SOX5: variants seen among roughly 807,000 people sequenced by gnomAD.
The protein encoded by SOX5 is transcription factor SOX-5.
Under a neutral mutation model 92.0 loss-of-function variants are expected in SOX5, and 9 were observed. That is an observed-to-expected ratio of 0.10 (90% CI 0.06 to 0.17). The LOEUF (loss-of-function observed/expected upper bound fraction) is 0.17. SOX5 is among the 10% of genes least tolerant of loss of function. The pLI, the probability that SOX5 is intolerant of heterozygous loss-of-function variation, is 1.00. For synonymous variants in SOX5, 344 were observed against 336.3 expected (o/e 1.02, Z -0.25); for missense variants, 642 against 944.5 (o/e 0.68, Z 4.20).
chr12:23,711,114 G>C (rs2092005847), intron 6 of SOX5, among the ~76,000 whole-genome samples: 1 of 152,038 alleles, frequency 6.6e-6, no homozygotes, highest in African/African-American at 2.4e-5. Flanking sequence ...AAAAACAAAA[G>C]AGGTACCTTA....
chr12:24,163,433 A>C (rs1283205466), intron 4 of SOX5, among the ~76,000 whole-genome samples: 1 of 152,052 alleles, frequency 6.6e-6, no homozygotes, highest in Non-Finnish European at 1.5e-5. Flanking sequence ...ATTAGAAAAG[A>C]TCAAACTTCA....
At chr12:23,974,354 A>G (rs1382811381) in intron 4 of SOX5, among the ~76,000 whole-genome samples, 3 of 152,156 alleles carry the variant, frequency 2.0e-5, no homozygotes, top group African/African-American at 4.8e-5. Context: ...TCTTTGACGT[A>G]CCAATATTCA....
chr12:24,165,640 C>T (rs182491480), intron 4 of SOX5, among the ~76,000 whole-genome samples: 1 of 152,110 alleles, frequency 6.6e-6, no homozygotes, highest in East Asian at 1.9e-4. Context: ...TATAGAGGCA[C>T]ATCAAAGGAC....
chr12:24,027,848 T>C (rs1955048794), intron 4 of SOX5, among the ~76,000 whole-genome samples: 1 of 151,784 alleles, frequency 6.6e-6, no homozygotes, highest in Non-Finnish European at 1.5e-5. Context: ...GCATTCAGAG[T>C]CATCTTTTGA....
intron 2 of SOX5, among the ~76,000 whole-genome samples, chr12:24,335,625 AAT>A (rs1951798215): frequency 6.6e-6 from 1 of 152,124 alleles, no homozygotes; most frequent in South Asian, 2.1e-4. Context: ...TTAAAATGCA[AAT>A]ATCCTTGGAG....
At chr12:23,642,188 A>G (rs1217928644) in intron 7 of SOX5, among the ~76,000 whole-genome samples, 1 of 152,150 alleles carries the variant, frequency 6.6e-6, no homozygotes, top group East Asian at 1.9e-4. Flanking sequence ...TGCGTGTCTG[A>G]GCATATAAAA....
At chr12:23,689,666 T>C (rs1289299304) in intron 6 of SOX5, among the ~76,000 whole-genome samples, 2 of 152,106 alleles carry the variant, frequency 1.3e-5, no homozygotes, top group East Asian at 1.9e-4. Context: ...GCCATATACA[T>C]CACCTCATCT....
chr12:24,221,879 A>T (rs965852888), intron 3 of SOX5, among the ~76,000 whole-genome samples: 1 of 152,178 alleles, frequency 6.6e-6, no homozygotes, highest in Non-Finnish European at 1.5e-5. Context: ...TTTCATACAG[A>T]GTAAATAGCA....
chr12:24,414,938 C>T (rs1022879302), intron 1 of SOX5, among the ~76,000 whole-genome samples: 9 of 152,116 alleles, frequency 5.9e-5, no homozygotes, highest in African/African-American at 1.4e-4. Context: ...GCAGTGATCT[C>T]GGAGGCATTT....
chr12:23,838,463 G>A (rs1232287027), intron 3 of SOX5, among the ~76,000 whole-genome samples: 3 of 151,816 alleles, frequency 2.0e-5, no homozygotes, highest in Non-Finnish European at 4.4e-5. Context: ...AAAGAATCTT[G>A]TGTATGTAAA....
At position 23,534,389 on chromosome 12, in the gene SOX5, C is replaced by T. The variant is rs202221487; in HGVS notation, c.2122G>A (p.Val708Ile). ...TTCACACCGTAAGTGCTCTGGATAA[C>T]AGGCATCCCAGGCTCTGGGCTGCTA... ...VSSSPEPGMPVIQSTYGVKGE... is the reference protein window; with the variant it reads ...VSSSPEPGMPIIQSTYGVKGE... Residue 708 changes from valine (V) to isoleucine (I), a missense_variant, in exon 15 of 15, where the codon GTT (valine) becomes ATT (isoleucine). By Grantham distance (29) the Val-to-Ile change is conservative. Around this residue, in one of 8 missense-constraint regions of SOX5, gnomAD observed 130 missense variants for 140.6 expected, o/e 0.92. Transcript: ENST00000451604. 8 of 1,614,060 alleles carry T rather than the reference C, an allele frequency of 5.0e-6. No individual in the cohort carries two copies. The highest frequency in any genetic ancestry group is 1.7e-6 in the Non-Finnish European group (2 of 1,180,038).
intron 3 of SOX5, among the ~76,000 whole-genome samples, chr12:23,838,467 A>G: frequency 6.6e-6 from 1 of 151,976 alleles, no homozygotes; most frequent in Non-Finnish European, 1.5e-5. Flanking sequence ...AATCTTGTGT[A>G]TGTAAACATC....
chr12:24,039,621 T>G (rs1956340326), intron 4 of SOX5, among the ~76,000 whole-genome samples: 3 of 152,208 alleles, frequency 2.0e-5, no homozygotes, highest in Admixed American at 2.0e-4. Flanking sequence ...TGCAAAATGG[T>G]AAAATATTTT....
chr12:23,546,282 A>C, intron 12 of SOX5, 34 bp downstream of exon 12: 1 of 1,223,284 alleles, frequency 8.2e-7, no homozygotes, highest in Non-Finnish European at 1.2e-6. Flanking sequence ...ACTTTCTTGC[A>C]TTATTAGAAT....
intron 1 of SOX5, among the ~76,000 whole-genome samples, chr12:24,532,833 G>A (rs1009863032): frequency 4.6e-5 from 7 of 152,126 alleles, no homozygotes; most frequent in African/African-American, 1.7e-4. Context: ...ACTCTGTTTG[G>A]AGGACACTAA....
At chr12:24,214,563 A>T (rs1468055620) in intron 3 of SOX5, among the ~76,000 whole-genome samples, 1 of 152,102 alleles carries the variant, frequency 6.6e-6, no homozygotes, top group Non-Finnish European at 1.5e-5. Flanking sequence ...CAAGATGTTT[A>T]TGCATTTATT....
At chr12:23,953,404 T>C (rs1451244540), upstream of SOX5, among the ~76,000 whole-genome samples, 1 of 152,094 alleles carries the variant, frequency 6.6e-6, no homozygotes, top group African/African-American at 2.4e-5. Flanking sequence ...AAGCTTAAGA[T>C]ATTCAATTGA....
In SOX5 at chr12:23,849,602, G is replaced by C. The variant is rs546600088; in HGVS notation, c.271-3409C>G. Among the ~76,000 whole-genome samples, 16 of 152,128 alleles carry C rather than the reference G, an allele frequency of 1.1e-4. No homozygotes were observed. In the South Asian group the frequency reaches 3.1e-3, roughly 30 times the overall value. ...TATGTCTGTATCTACCAATGTTAAG[G>C]GTGAACAAGACACTTGTCTTTTTAA... On this transcript the variant is annotated intron_variant, in intron 2 of 14. Coordinates refer to ENST00000451604, the MANE Select transcript of SOX5 (RefSeq NM_006940.6).
At chr12:23,880,166 A>G (rs1241728756) in intron 2 of SOX5, among the ~76,000 whole-genome samples, 1 of 152,218 alleles carries the variant, frequency 6.6e-6, no homozygotes, top group Non-Finnish European at 1.5e-5. Context: ...TCCCAAGAAC[A>G]ATATGTAAGT....
Sources: allele counts gnomAD v4.1 joint callset (sites outside exome capture counted in the v4.1 genomes callset), GRCh38; gene constraint gnomAD v4.1.1; regional missense constraint gnomAD v4.1.1; transcripts MANE v1.5; gene names NCBI Gene and HGNC (gene_info 2026-07-23, HGNC 2026-07-21).